Variants in MTMR7 observed in about 807,000 individuals in gnomAD.
MTMR7 encodes myotubularin related protein 7.
Under a neutral mutation model 81.2 loss-of-function variants are expected in MTMR7, and 76 were observed. The ratio of observed to expected loss-of-function variants is 0.94; its 90% CI spans 0.78 to 1.13. The LOEUF (loss-of-function observed/expected upper bound fraction) is 1.13. Among genes scored for constraint, MTMR7 ranks in the 50% most tolerant of loss-of-function variants. The probability of loss-of-function intolerance (pLI) is 0.00; values close to 1 mark genes in which losing one functional copy is unlikely to be tolerated. For missense variants in MTMR7, 1,044 were observed against 820.0 expected (o/e 1.27, Z -3.34); for synonymous variants, 372 against 289.8 (o/e 1.28, Z -2.88).
At chr8:17,338,215 T>C (rs986456668) in intron 6 of MTMR7, among the ~76,000 whole-genome samples, 1 of 152,220 alleles carries the variant, frequency 6.6e-6, no homozygotes, top group Non-Finnish European at 1.5e-5. Flanking sequence ...AATGGATCAG[T>C]GTCAAACTCA....
At chr8:17,361,895 G>A (rs990432489) in intron 3 of MTMR7, among the ~76,000 whole-genome samples, 10 of 152,246 alleles carry the variant, frequency 6.6e-5, no homozygotes, top group East Asian at 1.9e-4. Context: ...CGCTGTGCTC[G>A]TGGGATGCGA....
intron 9 of MTMR7, among the ~76,000 whole-genome samples, chr8:17,311,247 ATATTT>A (rs1026643378): frequency 3.3e-5 from 5 of 152,200 alleles, no homozygotes; most frequent in African/African-American, 9.7e-5. Flanking sequence ...ACTACCAAAT[ATATTT>A]TATATTTGCC....
At chr8:17,360,958 T>G (rs1318243376) in intron 4 of MTMR7, among the ~76,000 whole-genome samples, 159 bp downstream of exon 4, 1 of 152,088 alleles carries the variant, frequency 6.6e-6, no homozygotes, top group East Asian at 1.9e-4. Flanking sequence ...TAGGTCCAGG[T>G]TGTAAATACA....
Position 17,331,200 on chromosome 8 carries a change from C to A in MTMR7, c.815G>T (p.Gly272Val). ...CCTCATGACATGGATGTTCTCTATC[C>A]CGATAAACTGAAACTTGATATTGGA... Reference protein sequence around the residue: ...NYSNIKFQFIGIENIHVMRNS... With the variant: ...NYSNIKFQFIVIENIHVMRNS... Residue 272 changes from glycine (G) to valine (V), a missense_variant, in exon 7 of 14, where the codon GGG (glycine) becomes GTG (valine). Coordinates refer to ENST00000180173, the MANE Select transcript of MTMR7 (RefSeq NM_004686.5). The A allele has an allele frequency of 6.2e-7, 1 of 1,612,736 alleles. No homozygotes were observed. Among genetic ancestry groups the A allele is most frequent in the African/African-American group, 1.3e-5 (1 of 74,992 alleles).
rs532414496 is a variant in MTMR7 at position 17,342,094 on chromosome 8, T to C, written c.598-597A>G. On this transcript the variant is annotated intron_variant, in intron 5 of 13. Coordinates refer to ENST00000180173, the MANE Select transcript of MTMR7 (RefSeq NM_004686.5). ...AAGTCTACTTAGAACAAGGGGGATT[T>C]TTTTTTGGAATCAATCTGCATTCTC... is the stretch of plus-strand genomic sequence containing the variant. 1.3e-3 allele frequency among the ~76,000 whole-genome samples: 198 copies of C among 152,278 alleles called. 1 individual carries two copies. Among genetic ancestry groups the C allele is most frequent in the African/African-American group, 4.2e-3 (175 of 41,570 alleles).
chr8:17,389,044 A>C (rs1309134269), intron 1 of MTMR7, among the ~76,000 whole-genome samples: 2 of 152,164 alleles, frequency 1.3e-5, no homozygotes, highest in Non-Finnish European at 2.9e-5. Flanking sequence ...CCAATAAGCA[A>C]AGCTGCATGA....
intron 4 of MTMR7, among the ~76,000 whole-genome samples, chr8:17,359,255 C>A (rs910668415): frequency 6.6e-6 from 1 of 152,054 alleles, no homozygotes; most frequent in African/African-American, 2.4e-5. Context: ...ATTTGACGGA[C>A]TACTGTACAA....
intron 4 of MTMR7, among the ~76,000 whole-genome samples, chr8:17,358,485 T>C (rs756500763): frequency 2.0e-5 from 3 of 152,122 alleles, no homozygotes; most frequent in Non-Finnish European, 4.4e-5. Context: ...TCAGAATCAA[T>C]TGAGCAAAGA....
chr8:17,305,889 CA>C lies in MTMR7; in HGVS notation c.1219del (p.Trp407GlyfsTer3). 1 of 1,613,706 alleles carries C rather than the reference CA, an allele frequency of 6.2e-7. No homozygotes were observed. The highest frequency in any genetic ancestry group is 8.5e-7 in the Non-Finnish European group (1 of 1,179,710). ...PVIDQFIECV[W>X]QLMEQFPCAF... Reference sequence around the variant, plus strand: ...ACAGGGAAATTGTTCCATTAACTGCCAAACACACTCAATGAACTGGTCAATA... The same window carrying C: ...ACAGGGAAATTGTTCCATTAACTGCCAACACACTCAATGAACTGGTCAATA... On this transcript the variant is annotated frameshift_variant, in exon 11 of 14. Coordinates refer to ENST00000180173, the MANE Select transcript of MTMR7 (RefSeq NM_004686.5). LOFTEE classifies it high-confidence loss of function.
chr8:17,326,658 G>A (rs1452259782), intron 7 of MTMR7: 1 of 152,244 alleles, frequency 6.6e-6, no homozygotes, highest in African/African-American at 2.4e-5. Context: ...GAAGAAACAG[G>A]CTGCCATGCT....
At chr8:17,404,143 G>A (rs1404768178) in intron 1 of MTMR7, among the ~76,000 whole-genome samples, 1 of 152,108 alleles carries the variant, frequency 6.6e-6, no homozygotes, top group African/African-American at 2.4e-5. Context: ...TGGGGGAGTG[G>A]CAAAAATGGA....
chr8:17,370,092 AT>A (rs1820367707), intron 3 of MTMR7, among the ~76,000 whole-genome samples: 1 of 151,136 alleles, frequency 6.6e-6, no homozygotes, highest in African/African-American at 2.4e-5. Flanking sequence ...GCAAGAACAT[AT>A]TTTTCAAATC....
chr8:17,377,948 G>A (rs1820638380), intron 1 of MTMR7, among the ~76,000 whole-genome samples: 2 of 152,134 alleles, frequency 1.3e-5, no homozygotes, highest in Admixed American at 6.5e-5. Context: ...TAATCATATT[G>A]AGCATAAGAT....
At chr8:17,360,979 A>C (rs2150556942) in intron 4 of MTMR7, 138 bp downstream of exon 4, 1 of 960,870 alleles carries the variant, frequency 1.0e-6, no homozygotes, top group East Asian at 2.6e-5. Flanking sequence ...GCTGGCACTA[A>C]CCAAGAGAGA....
Position 17,371,137 on chromosome 8 carries a change from C to T in MTMR7, c.210G>A (p.Leu70=), listed in dbSNP as rs142584318. 2.0e-4 allele frequency: 317 copies of T among 1,614,224 alleles called. 4 individuals are homozygous for T. The African/African-American group carries it at 3.8e-3, about 19-fold the overall frequency. The part of the protein sequence containing the change: ...KQATTATGCP[L]LIRCKNFQII... ...TCTGAAAGTTCTTGCAGCGAATCAG[C>T]AGAGGGCATCCGGTAGCGGTTGTTG... Residue 70 remains leucine (L), a synonymous_variant, in exon 3 of 14, where the codon CTG becomes CTA. Transcript: ENST00000180173.
intron 4 of MTMR7, among the ~76,000 whole-genome samples, chr8:17,353,622 G>A (rs1235764879): frequency 6.6e-6 from 1 of 152,056 alleles, no homozygotes. Context: ...TGTCTGGTTT[G>A]GAAAACCACC....
chr8:17,355,847 C>T (rs1389120196), intron 4 of MTMR7, among the ~76,000 whole-genome samples: 2 of 152,156 alleles, frequency 1.3e-5, no homozygotes, highest in African/African-American at 4.8e-5. Context: ...CCTCACTAGT[C>T]AATCAGGTCA....
chr8:17,382,112 C>T (rs1022787438), intron 1 of MTMR7, among the ~76,000 whole-genome samples: 3 of 152,192 alleles, frequency 2.0e-5, no homozygotes, highest in Non-Finnish European at 4.4e-5. Flanking sequence ...AATTAAGTCA[C>T]TCGGTAACCT....
At chr8:17,304,256 G>A in intron 12 of MTMR7, 123 bp downstream of exon 12, 2 of 1,055,972 alleles carry the variant, frequency 1.9e-6, no homozygotes, top group South Asian at 2.4e-5. Flanking sequence ...ATCTCCCTCT[G>A]GTGTCTTTTG....
Sources: allele counts gnomAD v4.1 joint callset (sites outside exome capture counted in the v4.1 genomes callset), GRCh38; gene constraint gnomAD v4.1.1; transcripts MANE v1.5; gene names NCBI Gene and HGNC (gene_info 2026-07-23, HGNC 2026-07-21).